Variants in GABRA3 observed in about 807,000 individuals in gnomAD.
GABRA3 encodes gamma-aminobutyric acid receptor subunit alpha-3.
Under a neutral mutation model 30.1 loss-of-function variants are expected in GABRA3, and 10 were observed. That is an observed-to-expected ratio of 0.33 (90% CI 0.20 to 0.56). The LOEUF is 0.56. Ranked by LOEUF, GABRA3 falls within the 20% of genes least tolerant of loss-of-function variation. GABRA3 has a pLI of 0.89. For synonymous variants in GABRA3, 151 were observed against 146.8 expected, an observed-to-expected ratio of 1.03 and a Z score of -0.21; for missense variants, 233 against 392.0, an observed-to-expected ratio of 0.59 and a Z score of 3.42.
chrX:152,301,583 G>C (rs184867949), intron 3 of GABRA3, among the ~76,000 whole-genome samples: 1 of 111,165 alleles, frequency 9.0e-6, no homozygotes, highest in Non-Finnish European at 1.9e-5. Flanking sequence ...GCCCAGGCTA[G>C]AGTTTAATGG....
At chrX:152,257,207 G>A (rs1432936884) in intron 4 of GABRA3, among the ~76,000 whole-genome samples, 2 of 111,974 alleles carry the variant, frequency 1.8e-5, no homozygotes, top group African/African-American at 6.5e-5. Context: ...AATTCAAGTG[G>A]AGGAAATCTG....
intron 4 of GABRA3, among the ~76,000 whole-genome samples, chrX:152,274,905 TAA>T (rs937026268): frequency 1.9e-5 from 2 of 106,002 alleles, no homozygotes; most frequent in Admixed American, 2.2e-4. Context: ...AAAATTTTGA[TAA>T]GTTTAATTGA....
intron 3 of GABRA3, among the ~76,000 whole-genome samples, chrX:152,288,264 C>A (rs1217840205): frequency 8.9e-6 from 1 of 111,741 alleles, no homozygotes; most frequent in African/African-American, 3.3e-5. Context: ...AGAAATCGGG[C>A]TGTCTTGGGG....
intron 1 of GABRA3, among the ~76,000 whole-genome samples, chrX:152,450,510 A>T (rs1392591495): frequency 2.8e-5 from 3 of 108,845 alleles, no homozygotes; most frequent in Non-Finnish European, 5.7e-5. Flanking sequence ...GGAGGAAGTC[A>T]GGCCCAACCC....
At chrX:152,423,181 A>C (rs1930418711) in intron 1 of GABRA3, among the ~76,000 whole-genome samples, 1 of 112,017 alleles carries the variant, frequency 8.9e-6, no homozygotes, top group Non-Finnish European at 1.9e-5. Context: ...TATGCACCAA[A>C]ACACTGGTGA....
At chrX:152,182,295 C>T (rs1281319695) in intron 9 of GABRA3, among the ~76,000 whole-genome samples, 5 of 94,293 alleles carry the variant, frequency 5.3e-5, no homozygotes, top group African/African-American at 1.7e-4. Context: ...CATTGCCTGA[C>T]GTGTTATATA....
intron 3 of GABRA3, among the ~76,000 whole-genome samples, chrX:152,290,611 T>C (rs1939392161): frequency 8.9e-6 from 1 of 112,224 alleles, no homozygotes; most frequent in South Asian, 3.7e-4. Context: ...TGAATGGTAT[T>C]GCCTAGGTTT....
chrX:152,187,745 TCA>T (rs1288661822), intron 9 of GABRA3, among the ~76,000 whole-genome samples: 3 of 111,967 alleles, frequency 2.7e-5, no homozygotes, highest in Admixed American at 9.5e-5. Context: ...GCTAACTCTC[TCA>T]GTTACTCCCC....
intron 9 of GABRA3, chrX:152,187,456 T>C (rs1267942174): frequency 1.8e-5 from 2 of 111,877 alleles, no homozygotes; most frequent in African/African-American, 3.3e-5. Flanking sequence ...CCTGGAACTC[T>C]GACTACCACA....
At chrX:152,256,893 G>C (rs749615195) in intron 4 of GABRA3, among the ~76,000 whole-genome samples, 1 of 111,724 alleles carries the variant, frequency 9.0e-6, no homozygotes, top group Non-Finnish European at 1.9e-5. Flanking sequence ...CCCAAACCTA[G>C]AATTCCTGTG....
intron 1 of GABRA3, among the ~76,000 whole-genome samples, chrX:152,430,641 G>A (rs1369985345): frequency 9.0e-6 from 1 of 111,613 alleles, no homozygotes; most frequent in Non-Finnish European, 1.9e-5. Flanking sequence ...ACTGATCACA[G>A]TATTGCATCT....
At chrX:152,184,971 C>T (rs1319650374) in intron 9 of GABRA3, among the ~76,000 whole-genome samples, 1 of 111,340 alleles carries the variant, frequency 9.0e-6, no homozygotes, top group Non-Finnish European at 1.9e-5. Flanking sequence ...TGTTTCCTCT[C>T]ACATTTTATC....
chrX:152,397,568 A>T (rs921674295), intron 1 of GABRA3, among the ~76,000 whole-genome samples: 3 of 111,706 alleles, frequency 2.7e-5, no homozygotes, highest in Non-Finnish European at 5.7e-5. Flanking sequence ...TCTTCACTCC[A>T]GACTATTTGT....
At chrX:152,359,131 G>A (rs1232062973) in intron 2 of GABRA3, among the ~76,000 whole-genome samples, 1 of 111,559 alleles carries the variant, frequency 9.0e-6, no homozygotes, top group Non-Finnish European at 1.9e-5. Flanking sequence ...CAGTAGGAAT[G>A]GTACCAGTTC....
intron 5 of GABRA3, among the ~76,000 whole-genome samples, chrX:152,231,549 T>C (rs1013715362): frequency 5.4e-5 from 6 of 110,949 alleles, no homozygotes; most frequent in Non-Finnish European, 1.1e-4. Context: ...CATAAGATCA[T>C]AAATTATGGT....
At chrX:152,250,950 G>A (rs981421870) in intron 5 of GABRA3, 14 of 198,175 alleles carry the variant, frequency 7.1e-5, no homozygotes, top group African/African-American at 4.0e-4. Flanking sequence ...ATGCCTGCAA[G>A]ACTGGCAGCA....
At chrX:152,208,654 C>T (rs1242470610) in intron 6 of GABRA3, among the ~76,000 whole-genome samples, 1 of 94,374 alleles carries the variant, frequency 1.1e-5, no homozygotes, top group African/African-American at 4.7e-5. Context: ...CTTGGTGACA[C>T]CCCCCTCCAG....
intron 3 of GABRA3, among the ~76,000 whole-genome samples, chrX:152,315,272 T>G (rs1308952840): frequency 2.7e-5 from 3 of 111,279 alleles, no homozygotes; most frequent in Non-Finnish European, 1.9e-5. Context: ...GGAGAAGGAT[T>G]TGACCTTACC....
intron 4 of GABRA3, among the ~76,000 whole-genome samples, chrX:152,280,665 G>T (rs1389368077): frequency 9.0e-6 from 1 of 110,785 alleles, no homozygotes; most frequent in African/African-American, 3.3e-5. Flanking sequence ...ATTCCATTTT[G>T]TTTTTCTCAT....
Sources: gnomAD v4.1 joint callset for allele counts (sites outside exome capture counted in the v4.1 genomes callset) on GRCh38, gnomAD v4.1.1 for gene constraint, MANE v1.5 for transcripts, NCBI Gene and HGNC (gene_info 2026-07-23, HGNC 2026-07-21) for gene names.